The following DPP10 variants were observed in gnomAD, a reference collection of about 807,000 sequenced individuals.
The protein encoded by DPP10 is dipeptidyl peptidase like 10, also known as inactive dipeptidyl peptidase 10.
A neutral mutation model predicts 120.9 loss-of-function variants in DPP10; 33 were observed. That is an observed-to-expected ratio of 0.27 (90% confidence interval 0.21 to 0.37). The LOEUF (loss-of-function observed/expected upper bound fraction) is 0.37. Ranked by LOEUF, DPP10 falls within the 10% of genes least tolerant of loss-of-function variation. The pLI is 1.00. For missense variants in DPP10, 816 were observed against 942.8 expected (o/e 0.87, Z 1.76); for synonymous variants, 337 against 326.1 (o/e 1.03, Z -0.36).
intron 1 of DPP10, among the ~76,000 whole-genome samples, chr2:115,284,226 G>A (rs1175881116): frequency 6.6e-6 from 1 of 151,954 alleles, no homozygotes; most frequent in Non-Finnish European, 1.5e-5. Context: ...TTGCCTGTTA[G>A]TGATATACCC....
intron 3 of DPP10, among the ~76,000 whole-genome samples, chr2:115,482,796 G>A (rs1475987734): frequency 6.6e-6 from 1 of 151,826 alleles, no homozygotes; most frequent in African/African-American, 2.4e-5. Flanking sequence ...ATACTGGGAT[G>A]GCTTCCTTTC....
chr2:115,627,122 A>T (rs1263285536), intron 5 of DPP10, among the ~76,000 whole-genome samples: 3 of 152,320 alleles, frequency 2.0e-5, no homozygotes, highest in Non-Finnish European at 2.9e-5. Flanking sequence ...TTACAAAAAA[A>T]ATCCAAGAGT....
At chr2:115,599,606 C>G (rs753419410) in intron 5 of DPP10, among the ~76,000 whole-genome samples, 2 of 152,072 alleles carry the variant, frequency 1.3e-5, no homozygotes, top group Non-Finnish European at 2.9e-5. Context: ...TAGCCTCATA[C>G]GATAATTCTA....
At chr2:114,717,844 G>C (rs1701451371) in intron 1 of DPP10, among the ~76,000 whole-genome samples, 1 of 152,158 alleles carries the variant, frequency 6.6e-6, no homozygotes, top group South Asian at 2.1e-4. Context: ...TTCACATCCA[G>C]TGAACTGCTA....
chr2:114,773,991 A>G (rs1681500266), intron 1 of DPP10, among the ~76,000 whole-genome samples: 1 of 151,982 alleles, frequency 6.6e-6, no homozygotes, highest in Non-Finnish European at 1.5e-5. Flanking sequence ...TATATATTCT[A>G]TTTGATATAT....
intron 9 of DPP10, among the ~76,000 whole-genome samples, chr2:115,742,051 G>A (rs954177087): frequency 6.6e-6 from 1 of 151,966 alleles, no homozygotes; most frequent in Non-Finnish European, 1.5e-5. Flanking sequence ...GAAATCACAG[G>A]TACTAATGAT....
intron 4 of DPP10, 29 bp downstream of exon 4, chr2:115,499,633 GC>G (rs1558762144): frequency 6.5e-7 from 1 of 1,530,520 alleles, no homozygotes; most frequent in Non-Finnish European, 9.0e-7. Context: ...ATTACTTTAT[GC>G]ATTTCAGTAC....
At chr2:115,750,076 A>T in intron 10 of DPP10, 4 of 985,382 alleles carry the variant, frequency 4.1e-6, no homozygotes, top group Non-Finnish European at 4.8e-6. Context: ...GTTATAAGAA[A>T]GGGACACTTC....
intron 5 of DPP10, among the ~76,000 whole-genome samples, chr2:115,576,099 A>G (rs2081637747): frequency 6.6e-6 from 1 of 152,194 alleles, no homozygotes; most frequent in Admixed American, 6.5e-5. Context: ...AAACTGTAAG[A>G]TAATACATTT....
intron 1 of DPP10, among the ~76,000 whole-genome samples, chr2:115,148,566 T>A (rs2051357878): frequency 6.6e-6 from 1 of 152,186 alleles, no homozygotes; most frequent in South Asian, 2.1e-4. Flanking sequence ...AGGTTTATCA[T>A]CACTTTAAAA....
intron 1 of DPP10, among the ~76,000 whole-genome samples, chr2:114,454,565 C>T (rs1352868190): frequency 6.6e-6 from 1 of 152,134 alleles, no homozygotes; most frequent in African/African-American, 2.4e-5. Context: ...CCCAAGGTCC[C>T]CTGCTATTTT....
At chr2:115,658,765 G>A (rs1269670927) in intron 5 of DPP10, among the ~76,000 whole-genome samples, 2 of 152,030 alleles carry the variant, frequency 1.3e-5, no homozygotes, top group Admixed American at 6.6e-5. Flanking sequence ...ATAGTCTAAA[G>A]CTCTGAAAAA....
chr2:114,546,655 C>T (rs1465526893), intron 1 of DPP10, among the ~76,000 whole-genome samples: 1 of 152,166 alleles, frequency 6.6e-6, no homozygotes, highest in African/African-American at 2.4e-5. Flanking sequence ...TTTAAAGTGG[C>T]TGGTGACATC....
chr2:114,724,234 A>G (rs1701895916), intron 1 of DPP10, among the ~76,000 whole-genome samples: 1 of 152,214 alleles, frequency 6.6e-6, no homozygotes, highest in African/African-American at 2.4e-5. Context: ...CACTTGCTCC[A>G]TAGGCTCTAG....
At chr2:115,699,699 T>C (rs1247569206) in intron 7 of DPP10, among the ~76,000 whole-genome samples, 4 of 152,228 alleles carry the variant, frequency 2.6e-5, no homozygotes, top group African/African-American at 9.6e-5. Flanking sequence ...CTGCCAGCAT[T>C]ATCCTGATAC....
intron 5 of DPP10, chr2:115,579,418 G>GA (rs1250984486): frequency 6.6e-6 from 1 of 152,124 alleles, no homozygotes; most frequent in Admixed American, 6.5e-5. Context: ...AAATAAGTGT[G>GA]AAAAACAAAA....
At chr2:114,893,180 T>C (rs573410664) in intron 1 of DPP10, among the ~76,000 whole-genome samples, 67 of 152,208 alleles carry the variant, frequency 4.4e-4, no homozygotes, top group Non-Finnish European at 7.5e-4. Flanking sequence ...GATCACAAAA[T>C]TCTTTGTCAA....
chr2:114,967,261 C>T (rs1699099897), intron 1 of DPP10, among the ~76,000 whole-genome samples: 1 of 152,144 alleles, frequency 6.6e-6, no homozygotes, highest in South Asian at 2.1e-4. Flanking sequence ...TGGAACAGTG[C>T]TATGGAGCAA....
intron 1 of DPP10, among the ~76,000 whole-genome samples, chr2:115,232,187 C>T (rs2057767048): frequency 6.6e-6 from 1 of 152,128 alleles, no homozygotes; most frequent in East Asian, 1.9e-4. Flanking sequence ...ACATTCTAGC[C>T]TGGGTCTCTA....
Sources: allele counts gnomAD v4.1 joint callset (sites outside exome capture counted in the v4.1 genomes callset), GRCh38; gene constraint gnomAD v4.1.1; transcripts MANE v1.5; gene names NCBI Gene and HGNC (gene_info 2026-07-23, HGNC 2026-07-21).